Variants in XPR1 observed in about 807,000 individuals in gnomAD.
The protein encoded by XPR1 is solute carrier family 53 member 1.
In XPR1, 28 loss-of-function variants were observed where a neutral mutation model predicts 87.5. The observed-to-expected ratio is 0.32, with a 90% CI of 0.24 to 0.44. The LOEUF is 0.44. XPR1 is among the 20% of genes least tolerant of loss of function. XPR1 has a pLI of 1.00. For missense variants in XPR1, 559 were observed against 862.3 expected, an observed-to-expected ratio of 0.65 and a Z score of 4.41; for synonymous variants, 300 against 306.1, an observed-to-expected ratio of 0.98 and a Z score of 0.21.
chr1:180,863,601 T>C lies in XPR1; in HGVS notation c.1502-107T>C, dbSNP rs1030616255. The C allele has an allele frequency of 2.9e-5, 29 of 999,708 alleles. 1 individual carries two copies. The African/African-American group carries it at 4.8e-4, about 16-fold the overall frequency. 61.9% of individuals were successfully genotyped at this position (999,708 alleles called of 1,614,324 possible). A position where few individuals can be genotyped will look rare whatever the true frequency, so the allele number is the denominator to read the frequency against. On this transcript the variant is annotated intron_variant, in intron 11 of 14. Coordinates refer to ENST00000367590, the MANE Select transcript of XPR1 (RefSeq NM_004736.4). ...TCCTACGATCTGTTTAAAGCTTTGC[T>C]TTCTTATGGAGCTATTTTAAGAATC...
intron 1 of XPR1, among the ~76,000 whole-genome samples, chr1:180,661,532 A>C (rs1655780038): frequency 7.3e-6 from 1 of 136,966 alleles, no homozygotes; most frequent in African/African-American, 2.8e-5. Context: ...ATGTTTTTTG[A>C]TTTGAGGTTA....
rs975767902 is a variant in XPR1 at position 180,890,001 on chromosome 1, C to T, written c.*5935C>T. ...GTCGAAGAATTGATGCTTGCTTGGA[C>T]TCATGTTGTATCTGTGACTATGCTA... On this transcript the variant is annotated 3_prime_UTR_variant, in exon 15 of 15. Transcript: ENST00000367590. The T allele has an allele frequency of 1.3e-5, 2 of 152,156 alleles. No individual in the cohort carries two copies. The highest frequency in any genetic ancestry group is 1.3e-4 in the Admixed American group (2 of 15,270). The allele number at this position is 152,156 out of a possible 1,614,324, so 9.4% of individuals were successfully genotyped here.
intron 1 of XPR1, among the ~76,000 whole-genome samples, chr1:180,652,125 C>G (rs1423702634): frequency 6.6e-6 from 1 of 152,110 alleles, no homozygotes; most frequent in Admixed American, 6.6e-5. Flanking sequence ...AACCCTGTCT[C>G]TACTAAAAAT....
intron 9 of XPR1, 130 bp downstream of exon 9, chr1:180,825,474 G>A (rs970293052): frequency 1.1e-6 from 1 of 910,972 alleles, no homozygotes; most frequent in Non-Finnish European, 1.5e-6. Flanking sequence ...TATGTGAGTG[G>A]AGGCCCTGGG....
chr1:180,745,408 A>G (rs748354472), intron 2 of XPR1, among the ~76,000 whole-genome samples: 3 of 152,188 alleles, frequency 2.0e-5, no homozygotes, highest in Admixed American at 6.5e-5. Context: ...GAGAGTGAGC[A>G]TGCAATATGC....
chr1:180,841,681 G>A (rs1161691050), intron 11 of XPR1, among the ~76,000 whole-genome samples: 2 of 152,090 alleles, frequency 1.3e-5, no homozygotes, highest in Non-Finnish European at 2.9e-5. Context: ...AAGTAACATA[G>A]CTACTTACTC....
chr1:180,830,437 G>A (rs186677393), intron 9 of XPR1, among the ~76,000 whole-genome samples: 245 of 152,174 alleles, frequency 1.6e-3, no homozygotes, highest in Non-Finnish European at 2.9e-3. Flanking sequence ...GAAAGTACCC[G>A]TCATAGGTAG....
intron 2 of XPR1, among the ~76,000 whole-genome samples, chr1:180,737,475 A>G (rs148781679): frequency 2.3e-4 from 35 of 152,196 alleles, no homozygotes; most frequent in African/African-American, 7.7e-4. Flanking sequence ...TTAAGTTAAC[A>G]TATAGTGAAA....
rs574147666 is a variant in XPR1, at chr1:180,796,418, C to A, written c.224-6970C>A. Among the ~76,000 whole-genome samples the A allele has an allele frequency of 1.7e-4, 26 of 152,278 alleles. 1 individual carries two copies. The South Asian group carries it at 5.2e-3, about 30-fold the overall frequency. Reference sequence around the variant, plus strand: ...TATGGTTTATATTCCCCTACCCCCACCTACGGATTCTCATAGGCTCCTCTA... The same window carrying A: ...TATGGTTTATATTCCCCTACCCCCAACTACGGATTCTCATAGGCTCCTCTA... On this transcript the variant is annotated intron_variant, in intron 3 of 14. Transcript: ENST00000367590.
Position 180,744,654 on chromosome 1 carries a change from C to CTTT in XPR1, c.122-43087_122-43085dup, listed in dbSNP as rs71121048. On this transcript the variant is annotated intron_variant, in intron 2 of 14. Coordinates refer to ENST00000367590, the MANE Select transcript of XPR1 (RefSeq NM_004736.4). The stretch of plus-strand genomic sequence containing the variant: ...GTTCAGGTTTAGGCACAATTTCTTT[C>CTTT]TTTTTTTTTTTTTTGAGACAGAATC... Among the ~76,000 whole-genome samples the CTTT allele has an allele frequency of 5.9e-5, 6 of 102,394 alleles. 1 individual carries two copies. The highest frequency in any genetic ancestry group is 1.2e-4 in the Admixed American group (1 of 8,538). 67.2% of individuals were successfully genotyped at this position (102,394 alleles called of 152,430 possible).
At chr1:180,731,235 G>A (rs549563258) in intron 2 of XPR1, among the ~76,000 whole-genome samples, 17 of 152,118 alleles carry the variant, frequency 1.1e-4, no homozygotes, top group Non-Finnish European at 2.1e-4. Flanking sequence ...AAGTGTTACC[G>A]AAACACCAGA....
intron 2 of XPR1, among the ~76,000 whole-genome samples, chr1:180,753,768 T>A (rs1647621062): frequency 1.3e-5 from 2 of 152,238 alleles, no homozygotes; most frequent in South Asian, 4.1e-4. Context: ...AGTGTTCTAC[T>A]TATAGTCCTA....
intron 2 of XPR1, among the ~76,000 whole-genome samples, chr1:180,755,773 T>C (rs886915441): frequency 3.3e-5 from 5 of 152,214 alleles, no homozygotes; most frequent in African/African-American, 1.2e-4. Context: ...AGTTTTGTGC[T>C]TCTAACCCCA....
chr1:180,673,685 G>A (rs778725064), intron 1 of XPR1, among the ~76,000 whole-genome samples: 4 of 152,218 alleles, frequency 2.6e-5, no homozygotes, highest in Non-Finnish European at 4.4e-5. Context: ...GATCTAGGTT[G>A]TGTGCTTTTC....
intron 2 of XPR1, among the ~76,000 whole-genome samples, chr1:180,723,382 T>G (rs1252020886): frequency 6.6e-6 from 1 of 152,198 alleles, no homozygotes; most frequent in Admixed American, 6.5e-5. Flanking sequence ...ATACTCCAAT[T>G]ATTATACCAG....
At chr1:180,817,516 T>C (rs1000039408) in intron 7 of XPR1, among the ~76,000 whole-genome samples, 1 of 152,180 alleles carries the variant, frequency 6.6e-6, no homozygotes, top group Non-Finnish European at 1.5e-5. Context: ...TTTTCTATGT[T>C]TAGAGATGTT....
intron 13 of XPR1, among the ~76,000 whole-genome samples, chr1:180,876,645 AAAAG>A (rs1240774668): frequency 2.9e-4 from 44 of 152,176 alleles, no homozygotes; most frequent in African/African-American, 9.2e-4. Flanking sequence ...CAAAAAAAAA[AAAAG>A]AAAGAAACCT....
chr1:180,724,210 G>A (rs1658263362), intron 2 of XPR1, among the ~76,000 whole-genome samples: 1 of 152,168 alleles, frequency 6.6e-6, no homozygotes. Context: ...GACTTGAGGT[G>A]AGTTTGGGAT....
chr1:180,849,690 G>A (rs755755327), intron 11 of XPR1, among the ~76,000 whole-genome samples: 1 of 152,168 alleles, frequency 6.6e-6, no homozygotes. Context: ...TGGTACATAG[G>A]CAATAAAGCA....
Sources: allele counts gnomAD v4.1 joint callset (sites outside exome capture counted in the v4.1 genomes callset), GRCh38; gene constraint gnomAD v4.1.1; transcripts MANE v1.5; gene names NCBI Gene and HGNC (gene_info 2026-07-23, HGNC 2026-07-21).